CDH4: variants seen among roughly 807,000 people sequenced by gnomAD.
The protein encoded by CDH4 is cadherin 4.
A neutral mutation model predicts 86.0 loss-of-function variants in CDH4; 33 were observed. That is an observed-to-expected ratio of 0.38 (90% CI 0.29 to 0.51). The LOEUF is 0.51. Among genes scored for constraint, CDH4 ranks in the 20% least tolerant of loss-of-function variants. CDH4 has a pLI of 0.86. For missense variants in CDH4, 1,114 were observed against 1,307.4 expected (o/e 0.85, Z 2.28); for synonymous variants, 555 against 549.4 (o/e 1.01, Z -0.14).
rs999192298 is a variant in CDH4, at chr20:61,321,397, G to T, written c.169+66460G>T. On this transcript the variant is annotated intron_variant, in intron 2 of 15. Coordinates refer to ENST00000614565, the MANE Select transcript of CDH4 (RefSeq NM_001794.5). ...CTTGATTATCTTTGCTTTTTTGCTG[G>T]AAATTTTTTTTTAATTTTTGATGTC... 5.9e-5 allele frequency among the ~76,000 whole-genome samples: 9 copies of T among 152,232 alleles called. No homozygotes were observed. The Middle Eastern group carries it at 0.01, about 173-fold the overall frequency.
intron 2 of CDH4, among the ~76,000 whole-genome samples, chr20:61,358,653 C>T (rs1191743713): frequency 6.6e-6 from 1 of 152,234 alleles, no homozygotes; most frequent in East Asian, 1.9e-4. Context: ...ATGCACGGCC[C>T]TTCCCTGGTT....
intron 2 of CDH4, among the ~76,000 whole-genome samples, chr20:61,670,666 G>C (rs188587841): frequency 6.6e-6 from 1 of 152,344 alleles, no homozygotes; most frequent in East Asian, 1.9e-4. Context: ...TGATGAGGCT[G>C]TTCAGGAAAA....
At chr20:61,820,512 A>C (rs1389562247) in intron 4 of CDH4, among the ~76,000 whole-genome samples, 1 of 152,144 alleles carries the variant, frequency 6.6e-6, no homozygotes, top group Non-Finnish European at 1.5e-5. Context: ...CCCAAGGGTC[A>C]CTCTGTCCAC....
chr20:61,395,922 CTT>C lies in CDH4; in HGVS notation c.169+140986_169+140987del, dbSNP rs537747535. ...CCAGCATTGATCCATATTTCATAGTCTTATTAATTGGAGATGTTTGGGATGAT... is the reference window on the plus strand; with the variant it reads ...CCAGCATTGATCCATATTTCATAGTCATTAATTGGAGATGTTTGGGATGAT... On this transcript the variant is annotated intron_variant, in intron 2 of 15. Transcript: ENST00000614565. Among the ~76,000 whole-genome samples the C allele has an allele frequency of 3.3e-5, 5 of 152,218 alleles. No homozygotes were observed. In the South Asian group the frequency reaches 1.0e-3, roughly 32 times the overall value.
chr20:61,806,424 A>G (rs1216796957), intron 4 of CDH4, among the ~76,000 whole-genome samples: 1 of 152,266 alleles, frequency 6.6e-6, no homozygotes, highest in African/African-American at 2.4e-5. Flanking sequence ...GGAGGGCACC[A>G]GAAACACAGT....
chr20:61,892,752 T>C (rs534025178), intron 7 of CDH4, among the ~76,000 whole-genome samples: 62 of 152,242 alleles, frequency 4.1e-4, no homozygotes, highest in African/African-American at 1.2e-3. Context: ...ATTCCACAAA[T>C]TGGCAATTTG....
At chr20:61,356,401 A>C (rs1239792941) in intron 2 of CDH4, among the ~76,000 whole-genome samples, 1 of 152,212 alleles carries the variant, frequency 6.6e-6, no homozygotes, top group Non-Finnish European at 1.5e-5. Flanking sequence ...TACCCAGCCC[A>C]GCTCAGCCAG....
intron 2 of CDH4, among the ~76,000 whole-genome samples, chr20:61,352,541 C>T (rs910355841): frequency 6.6e-6 from 1 of 152,214 alleles, no homozygotes; most frequent in Non-Finnish European, 1.5e-5. Context: ...CTCTCCGGTG[C>T]GCGGGACGTC....
chr20:61,736,474 G>A (rs1415260667), intron 2 of CDH4, among the ~76,000 whole-genome samples: 3 of 152,172 alleles, frequency 2.0e-5, no homozygotes, highest in Non-Finnish European at 4.4e-5. Context: ...AGTGCCGCAC[G>A]TCTGATGTGA....
chr20:61,704,801 G>A (rs1225820658), intron 2 of CDH4, among the ~76,000 whole-genome samples: 1 of 152,162 alleles, frequency 6.6e-6, no homozygotes, highest in East Asian at 1.9e-4. Context: ...CAGGCATTTA[G>A]CAGCATCTCT....
chr20:61,927,336 C>G (rs886693579), intron 11 of CDH4, among the ~76,000 whole-genome samples: 16 of 101,536 alleles, frequency 1.6e-4, no homozygotes, highest in African/African-American at 4.6e-4. Context: ...GAGGCAAGGA[C>G]TGAGCATGTG....
At chr20:61,602,967 A>G (rs1326977965) in intron 2 of CDH4, among the ~76,000 whole-genome samples, 2 of 152,244 alleles carry the variant, frequency 1.3e-5, no homozygotes, top group African/African-American at 4.8e-5. Flanking sequence ...CATTTTCACC[A>G]GCTCCTGCGT....
In CDH4 at chr20:61,544,977, C is replaced by G. The variant is rs941748691; in HGVS notation, c.170-198586C>G. Among the ~76,000 whole-genome samples, 1 of 152,234 alleles carries G rather than the reference C, an allele frequency of 6.6e-6. No individual in the cohort carries two copies. The highest frequency in any genetic ancestry group is 1.5e-5 in the Non-Finnish European group (1 of 68,024). ...ACAAGTAGGGTGACTAGCAAATGAC[C>G]CTTGAGCAGCCCTACTGGGGCCCCG... On this transcript the variant is annotated intron_variant, in intron 2 of 15. Coordinates refer to ENST00000614565, the MANE Select transcript of CDH4 (RefSeq NM_001794.5). The surrounding 1 kb of genome is among the most constrained non-coding windows in gnomAD (Gnocchi z 6.5).
chr20:61,886,785 C>T (rs1984562227), intron 7 of CDH4, among the ~76,000 whole-genome samples: 1 of 152,204 alleles, frequency 6.6e-6, no homozygotes, highest in Non-Finnish European at 1.5e-5. Context: ...TGGGAGGGCG[C>T]CGTGCCCCTG....
intron 2 of CDH4, among the ~76,000 whole-genome samples, chr20:61,521,306 G>A (rs2085867184): frequency 6.6e-6 from 1 of 152,202 alleles, no homozygotes; most frequent in Non-Finnish European, 1.5e-5. Flanking sequence ...GGGGCAGCTA[G>A]ACAGCAAAAC....
intron 6 of CDH4, among the ~76,000 whole-genome samples, chr20:61,867,903 T>A (rs763998957): frequency 1.3e-5 from 2 of 152,188 alleles, no homozygotes; most frequent in African/African-American, 2.4e-5. Flanking sequence ...TTCCGATGAC[T>A]CCGGCCATCT....
rs891543452 is a variant in CDH4 at position 61,885,719 on chromosome 20, G to A, written c.1051-9191G>A. On this transcript the variant is annotated intron_variant, in intron 7 of 15. Transcript: ENST00000614565. ...GACCCGCCAGCCTGTTTTCCGTGGTGCCTGCACTCCCTCCTCCCACAGCAT... is the reference window on the plus strand; with the variant it reads ...GACCCGCCAGCCTGTTTTCCGTGGTACCTGCACTCCCTCCTCCCACAGCAT... Among the ~76,000 whole-genome samples the A allele has an allele frequency of 2.6e-5, 4 of 152,300 alleles. No homozygotes were observed. In the East Asian group the frequency reaches 5.8e-4, roughly 22 times the overall value.
chr20:61,352,484 C>A (rs915147248), intron 2 of CDH4, among the ~76,000 whole-genome samples: 5 of 152,268 alleles, frequency 3.3e-5, no homozygotes, highest in African/African-American at 9.6e-5. Flanking sequence ...AAGGACTGCA[C>A]TGGCCCCCGT....
chr20:61,294,639 C>A (rs1046062238), intron 2 of CDH4, among the ~76,000 whole-genome samples: 1 of 152,204 alleles, frequency 6.6e-6, no homozygotes, highest in African/African-American at 2.4e-5. Flanking sequence ...AGGCCTTACA[C>A]CTGGCCTGTG....
Sources: allele counts gnomAD v4.1 joint callset (sites outside exome capture counted in the v4.1 genomes callset), GRCh38; gene constraint gnomAD v4.1.1; non-coding constraint Gnocchi (gnomAD v3.1); transcripts MANE v1.5; gene names NCBI Gene and HGNC (gene_info 2026-07-23, HGNC 2026-07-21).